CROCC2: variants seen among roughly 807,000 people sequenced by gnomAD.
CROCC2 encodes ciliary rootlet coiled-coil protein 2.
Under a neutral mutation model 177.6 loss-of-function variants are expected in CROCC2, and 163 were observed. That is an observed-to-expected ratio of 0.92 (90% CI 0.81 to 1.05). The LOEUF (loss-of-function observed/expected upper bound fraction) is 1.05. Among genes scored for constraint, CROCC2 ranks in the 50% least tolerant of loss-of-function variants. The probability of loss-of-function intolerance (pLI) is 0.00; values close to 1 mark genes in which losing one functional copy is unlikely to be tolerated. For missense variants in CROCC2, 1,929 were observed against 1,797.8 expected (o/e 1.07, Z -1.32); for synonymous variants, 904 against 787.3 (o/e 1.15, Z -2.48).
At chr2:240,969,907 T>C (rs190849113) in intron 27 of CROCC2, among the ~76,000 whole-genome samples, 1 of 152,214 alleles carries the variant, frequency 6.6e-6, no homozygotes, top group Admixed American at 6.5e-5. Context: ...TTTTGTATTT[T>C]TAGTAGAGAC....
chr2:240,925,795 C>T lies in CROCC2; in HGVS notation c.560C>T (p.Ala187Val), dbSNP rs1340372356. 6 of 716,864 alleles carry T rather than the reference C, an allele frequency of 8.4e-6. No individual in the cohort carries two copies. Among genetic ancestry groups the T allele is most frequent in the African/African-American group, 5.2e-5 (3 of 57,262 alleles). The allele number at this position is 716,864 out of a possible 1,614,324, so 44.4% of individuals were successfully genotyped here. The change falls in exon 5 of 32, where the codon GCG becomes GTG. Residue 187 changes from alanine to valine, a missense_variant. By Grantham distance (64) the Ala-to-Val change is moderately conservative. This residue lies in a region of CROCC2 where 1,397 missense variants were observed against 1,239.9 expected (regional missense o/e 1.13). Coordinates refer to ENST00000690015, the MANE Select transcript of CROCC2 (RefSeq NM_001351305.2). Reference protein sequence around the residue: ...QLEHMKKANDALGRELAGMTG... With the variant: ...QLEHMKKANDVLGRELAGMTG... ...GAACATATGAAGAAGGCCAATGACG[C>T]GCTGGGCCGGGAGCTGGCCGGGATG...
At chr2:240,930,501 T>C (rs1268767105) in intron 6 of CROCC2, among the ~76,000 whole-genome samples, 1 of 151,880 alleles carries the variant, frequency 6.6e-6, no homozygotes, top group Non-Finnish European at 1.5e-5. Context: ...GGGAGGTAGG[T>C]TGGGGACACC....
In CROCC2 at chr2:240,928,788, A is replaced by G. The variant is rs541360397; in HGVS notation, c.646-1378A>G. On this transcript the variant is annotated intron_variant, in intron 5 of 31. Transcript: ENST00000690015. ...GCACGCCCTCGGAGGGCGTGCAGAC[A>G]GGGGTAACGGGCTCAGAGGAGCATG... Among the ~76,000 whole-genome samples the G allele has an allele frequency of 2.6e-4, 40 of 151,766 alleles. No homozygotes were observed. In the South Asian group the frequency reaches 7.5e-3, roughly 28 times the overall value.
Position 240,930,149 on chromosome 2 carries a change from A to T in CROCC2, c.646-17A>T, listed in dbSNP as rs772955333. 17 of 543,310 alleles carry T rather than the reference A, an allele frequency of 3.1e-5. No homozygotes were observed. The highest frequency in any genetic ancestry group is 4.7e-5 in the Non-Finnish European group (14 of 297,090). 33.7% of individuals were successfully genotyped at this position (543,310 alleles called of 1,614,324 possible). On this transcript the variant is annotated splice_polypyrimidine_tract_variant and intron_variant, in intron 5 of 31. Coordinates refer to ENST00000690015, the MANE Select transcript of CROCC2 (RefSeq NM_001351305.2). Reference sequence around the variant, plus strand: ...GGGGCCCCAGCCTGAAGTAGACAGGAGGCCTCTTGCTTTCAGACCCGGTCA... The same window carrying T: ...GGGGCCCCAGCCTGAAGTAGACAGGTGGCCTCTTGCTTTCAGACCCGGTCA...
In CROCC2 at chr2:240,972,748, G is replaced by T. The variant is rs1217820696; in HGVS notation, c.4401+4486G>T. Among the ~76,000 whole-genome samples, 1 of 151,968 alleles carries T rather than the reference G, an allele frequency of 6.6e-6. No homozygotes were observed. The highest frequency in any genetic ancestry group is 1.5e-5 in the Non-Finnish European group (1 of 67,980). ...GCAATTATTATTTCACCCATTTTTA[G>T]GCCAAGTTGGTCTCATCTGCCCTCG... On this transcript the variant is annotated intron_variant, in intron 27 of 31. Transcript: ENST00000690015. The surrounding 1 kb of genome is among the most constrained non-coding windows in gnomAD (Gnocchi z 7.1).
At position 240,935,427 on chromosome 2, in the gene CROCC2, G is replaced by A. The variant is rs117744203; in HGVS notation, c.2008G>A (p.Glu670Lys). The A allele has an allele frequency of 0.01, 14,253 of 1,376,500 alleles. 854 individuals carry two copies. In the East Asian group the frequency reaches 0.18, roughly 17 times the overall value. The allele number at this position is 1,376,500 out of a possible 1,614,324, so 85.3% of individuals were successfully genotyped here. A position where few individuals can be genotyped will look rare whatever the true frequency, so the allele number is the denominator to read the frequency against. The part of the protein sequence containing the change: ...TLEQERARAG[E>K]QLAQAEQQLA... ...GGAGCAGGAACGGGCCCGGGCCGGG[G>A]AGCAGCTGGCACAGGCGGAGCAGCA... The change falls in exon 14 of 32, where the codon GAG (glutamate) becomes AAG (lysine). Residue 670 changes from glutamate (E) to lysine (K), a missense_variant. Physicochemically the swap from Glu to Lys is moderately conservative, Grantham distance 56 (BLOSUM62 1). Around this residue, in one of 3 missense-constraint regions of CROCC2, gnomAD observed 1,397 missense variants for 1,239.9 expected, o/e 1.13. Coordinates refer to ENST00000690015, the MANE Select transcript of CROCC2 (RefSeq NM_001351305.2).
intron 30 of CROCC2, among the ~76,000 whole-genome samples, chr2:240,990,083 A>G (rs1015720269): frequency 1.3e-5 from 2 of 152,186 alleles, no homozygotes; most frequent in Non-Finnish European, 2.9e-5. Flanking sequence ...CTGAGCCTCC[A>G]TTGCCCTGTC....
chr2:240,986,432 C>T (rs2106493571), intron 28 of CROCC2, among the ~76,000 whole-genome samples: 1 of 152,206 alleles, frequency 6.6e-6, no homozygotes, highest in South Asian at 2.1e-4. Flanking sequence ...CTTGCTCATG[C>T]AGCCTCAGAG....
Position 240,923,396 on chromosome 2 carries a change from G to A in CROCC2, c.488+751G>A, listed in dbSNP as rs139053928. Among the ~76,000 whole-genome samples, 40 of 151,634 alleles carry A rather than the reference G, an allele frequency of 2.6e-4. No individual in the cohort carries two copies. In the East Asian group the frequency reaches 7.7e-3, roughly 29 times the overall value. On this transcript the variant is annotated intron_variant, in intron 4 of 31. Coordinates refer to ENST00000690015, the MANE Select transcript of CROCC2 (RefSeq NM_001351305.2). ...CCTGAGATGGAGCTGACGATGTCAT[G>A]CCTGGGCTTATCAAGGGGGCCTCTG...
Position 240,931,196 on chromosome 2 carries a change from G to A in CROCC2, c.947+68G>A, listed in dbSNP as rs74420878. The A allele has an allele frequency of 1.7e-3, 1,085 of 646,526 alleles. 5 individuals carry two copies. The highest frequency in any genetic ancestry group is 0.016 in the African/African-American group (893 of 55,644). The allele number at this position is 646,526 out of a possible 1,614,324, so 40.0% of individuals were successfully genotyped here. On this transcript the variant is annotated intron_variant, in intron 7 of 31. Coordinates refer to ENST00000690015, the MANE Select transcript of CROCC2 (RefSeq NM_001351305.2). ...GGGGTCGGGGCCCATCCAGCGTGCC[G>A]AGCAGCTGTGGATCCCAGATGTGGT...
In CROCC2 at chr2:240,957,918, G is replaced by A. The variant is rs1242234724; in HGVS notation, c.2944-1383G>A. On this transcript the variant is annotated intron_variant, in intron 19 of 31. Transcript: ENST00000690015. ...ACCCCGTGGGCAGGGACCCAGGAAA[G>A]CCCTCCTGGGGCCCTGGGAGCTGAT... 2.6e-5 allele frequency: 25 copies of A among 959,050 alleles called. No individual in the cohort carries two copies. The Admixed American group carries it at 3.1e-4, about 12-fold the overall frequency. The allele number at this position is 959,050 out of a possible 1,614,324, so 59.4% of individuals were successfully genotyped here.
At chr2:240,963,512 C>A in intron 20 of CROCC2, 44 bp from the exon 21 acceptor site, 1 of 1,466,690 alleles carries the variant, frequency 6.8e-7, no homozygotes, top group Non-Finnish European at 9.1e-7. Context: ...ATCCCTGGAG[C>A]AGTGGTCCCC....
intron 28 of CROCC2, among the ~76,000 whole-genome samples, chr2:240,985,516 A>T (rs1574799753): frequency 3.5e-5 from 1 of 28,498 alleles, no homozygotes; most frequent in Non-Finnish European, 5.7e-5. Context: ...CACTCACTCT[A>T]CACACACACC....
At chr2:240,987,848 G>GT (rs2059850818) in intron 28 of CROCC2, among the ~76,000 whole-genome samples, 1 of 152,222 alleles carries the variant, frequency 6.6e-6, no homozygotes, top group Admixed American at 6.5e-5. Context: ...GCAGGGCCTG[G>GT]GTTCCAGGCC....
chr2:240,932,803 C>T lies in CROCC2; in HGVS notation c.1146C>T (p.Ser382=). The T allele has an allele frequency of 6.6e-7, 1 of 1,505,358 alleles. No individual in the cohort carries two copies. Among genetic ancestry groups the T allele is most frequent in the South Asian group, 1.2e-5 (1 of 82,456 alleles). 93.3% of individuals were successfully genotyped at this position (1,505,358 alleles called of 1,614,324 possible). ...TGAGGAGCCCCCAACGTGCCACATC[C>T]CCCCATCAAGGGGCGTCCCCACCAC... ...RPLRSPQRAT[S]PHQGASPPHI... is the part of the protein sequence containing the mutation. Residue 382 remains serine, a synonymous_variant, in exon 9 of 32, where the codon TCC becomes TCT. Transcript: ENST00000690015.
At chr2:240,948,117 G>C (rs1052239411) in intron 15 of CROCC2, among the ~76,000 whole-genome samples, 9 of 152,140 alleles carry the variant, frequency 5.9e-5, no homozygotes, top group African/African-American at 2.2e-4. Context: ...CAGGTGAAGA[G>C]AGCACTCAAG....
intron 19 of CROCC2, 78 bp downstream of exon 19, chr2:240,956,050 G>A: frequency 9.5e-7 from 1 of 1,049,436 alleles, no homozygotes; most frequent in Non-Finnish European, 1.4e-6. Flanking sequence ...CTCCTGCCTG[G>A]TCCCAGTGGC....
chr2:240,933,301 C>A lies in CROCC2; in HGVS notation c.1422C>A (p.Leu474=). 1 of 1,542,454 alleles carries A rather than the reference C, an allele frequency of 6.5e-7. No individual in the cohort carries two copies. ...GGGGCCAGCTGGAGGCCCAGAGGCT[C>A]GAGGTGCAGCAGTGCCGGGCATCCT... The part of the protein sequence containing the change: ...ALRGQLEAQR[L]EVQQCRASCK... The change falls in exon 10 of 32, where the codon CTC becomes CTA. Residue 474 remains leucine (L), a synonymous_variant. Transcript: ENST00000690015.
rs1416195957 is a variant in CROCC2 at position 240,950,351 on chromosome 2, C to T, written c.2670C>T (p.Thr890=). ...TGGCCCAGGAGACCCTGAGCCTGAC[C>T]CTGGCAGAGGAGAAGGAGGTAGCCA... ...LQREKETLSL[T]LAEEKEVARC... is the part of the protein sequence containing the mutation. The change falls in exon 18 of 32, where the codon ACC becomes ACT. Residue 890 remains threonine (T), a synonymous_variant. Coordinates refer to ENST00000690015, the MANE Select transcript of CROCC2 (RefSeq NM_001351305.2). The T allele has an allele frequency of 6.5e-7, 1 of 1,549,922 alleles. No individual in the cohort carries two copies. Among genetic ancestry groups the T allele is most frequent in the Non-Finnish European group, 8.7e-7 (1 of 1,146,626 alleles).
Sources: gnomAD v4.1 joint callset for allele counts (sites outside exome capture counted in the v4.1 genomes callset) on GRCh38, gnomAD v4.1.1 for gene constraint, gnomAD v4.1.1 regional missense constraint, Gnocchi (gnomAD v3.1) non-coding constraint, MANE v1.5 for transcripts, NCBI Gene and HGNC (gene_info 2026-07-23, HGNC 2026-07-21) for gene names.